The following ZNF257 variants were observed in gnomAD, a reference collection of about 807,000 sequenced individuals.
The protein encoded by ZNF257 is zinc finger protein 257.
In ZNF257, 12 loss-of-function variants were observed where a neutral mutation model predicts 11.9. The observed-to-expected ratio is 1.01, with a 90% CI of 0.65 to 1.63. ZNF257 has a LOEUF of 1.63. Among genes scored for constraint, ZNF257 ranks in the 40% most tolerant of loss-of-function variants. The pLI, the probability that ZNF257 is intolerant of heterozygous loss-of-function variation, is 0.00. For missense variants in ZNF257, 580 were observed against 665.5 expected, an observed-to-expected ratio of 0.87 and a Z score of 1.41; for synonymous variants, 183 against 222.7, an observed-to-expected ratio of 0.82 and a Z score of 1.59.
chr19:22,080,780 T>A (rs2022338761), intron 3 of ZNF257, among the ~76,000 whole-genome samples: 1 of 151,802 alleles, frequency 6.6e-6, no homozygotes, highest in African/African-American at 2.4e-5. Flanking sequence ...TTGTTGATAT[T>A]TGCTTTATAT....
chr19:22,083,573 GT>G (rs1388999451), intron 3 of ZNF257, among the ~76,000 whole-genome samples: 2 of 152,018 alleles, frequency 1.3e-5, no homozygotes, highest in African/African-American at 2.4e-5. Context: ...AAATATTCTG[GT>G]TTATTTTTTA....
intron 3 of ZNF257, among the ~76,000 whole-genome samples, chr19:22,083,102 T>A (rs1221736953): frequency 3.3e-5 from 5 of 152,188 alleles, no homozygotes; most frequent in Non-Finnish European, 7.3e-5. Context: ...TATTTGTGAA[T>A]CTTCCATATC....
chr19:22,074,062 T>C (rs929149726), intron 3 of ZNF257, among the ~76,000 whole-genome samples: 8 of 152,156 alleles, frequency 5.3e-5, no homozygotes, highest in Non-Finnish European at 8.8e-5. Flanking sequence ...TATGATGTCA[T>C]TCTGCTTTTT....
At chr19:22,057,382 A>G (rs1239894550) in intron 1 of ZNF257, among the ~76,000 whole-genome samples, 1 of 152,166 alleles carries the variant, frequency 6.6e-6, no homozygotes, top group East Asian at 1.9e-4. Flanking sequence ...AGGCCCAGCT[A>G]ATTCTTTCTG....
At chr19:22,057,084 C>T (rs1432997251) in intron 1 of ZNF257, among the ~76,000 whole-genome samples, 1 of 152,058 alleles carries the variant, frequency 6.6e-6, no homozygotes, top group Non-Finnish European at 1.5e-5. Context: ...CTTGTTACCT[C>T]CTAGAAGTGT....
intron 1 of ZNF257, among the ~76,000 whole-genome samples, chr19:22,067,237 T>C (rs992034585): frequency 6.6e-6 from 1 of 152,160 alleles, no homozygotes; most frequent in Non-Finnish European, 1.5e-5. Context: ...ACATTTTACC[T>C]CTTTCGTTGA....
rs1001562854 is a variant in ZNF257 at position 22,091,198 on chromosome 19, C to G, written c.*1756C>G. 2 of 152,032 alleles carry G rather than the reference C, an allele frequency of 1.3e-5. No homozygotes were observed. Among genetic ancestry groups the G allele is most frequent in the African/African-American group, 4.8e-5 (2 of 41,350 alleles). 9.4% of individuals were successfully genotyped at this position (152,032 alleles called of 1,614,324 possible). A position where few individuals can be genotyped will look rare whatever the true frequency, so the allele number is the denominator to read the frequency against. On this transcript the variant is annotated 3_prime_UTR_variant, in exon 4 of 4. Coordinates refer to ENST00000594947, the MANE Select transcript of ZNF257 (RefSeq NM_033468.4). ...TTCAGGCCGGGCACAGTAGCTCACG[C>G]CTGTAATCCCAACACTTTGGGAGGC...
rs751593940 is a variant in ZNF257, at chr19:22,072,880, G to A, written c.75G>A (p.Gln25=). Residue 25 remains glutamine (Q), a synonymous_variant, in exon 2 of 4, where the codon CAG becomes CAA. Coordinates refer to ENST00000594947, the MANE Select transcript of ZNF257 (RefSeq NM_033468.4). The stretch of plus-strand genomic sequence containing the variant: ...AGTGGCATTGCCTGGACACTGCACA[G>A]CAGAATTTATATAGGGATGTGATGT... ...LEEWHCLDTA[Q]QNLYRDVMLE... 6.2e-7 allele frequency: 1 copy of A among 1,613,390 alleles called. No homozygotes were observed. The highest frequency in any genetic ancestry group is 1.7e-5 in the Admixed American group (1 of 59,946).
chr19:22,063,515 A>C (rs58935590), intron 1 of ZNF257, among the ~76,000 whole-genome samples: 2,729 of 152,150 alleles, frequency 0.018, 76 homozygotes, highest in African/African-American at 0.062. Flanking sequence ...CCTTCTTACC[A>C]CTGCCTTAGC....
At chr19:22,074,991 T>G (rs558919392) in intron 3 of ZNF257, among the ~76,000 whole-genome samples, 2 of 152,332 alleles carry the variant, frequency 1.3e-5, no homozygotes, top group South Asian at 4.1e-4. Flanking sequence ...TCTGTGAATT[T>G]GAAGGAGCAA....
chr19:22,082,798 A>G (rs960593300), intron 3 of ZNF257, among the ~76,000 whole-genome samples: 2 of 152,160 alleles, frequency 1.3e-5, no homozygotes, highest in Admixed American at 6.6e-5. Flanking sequence ...TATATATTTT[A>G]GAACATGACA....
In ZNF257 at chr19:22,079,209, C is replaced by T. The variant is rs898599046; in HGVS notation, c.226+5645C>T. Among the ~76,000 whole-genome samples the T allele has an allele frequency of 3.9e-5, 6 of 152,094 alleles. 1 individual carries two copies. The highest frequency in any genetic ancestry group is 6.5e-5 in the Admixed American group (1 of 15,278). ...TTAAAGGGGGGTTCATTTCTTCACTCGTATTCTGTTCTTTCATCTGTTTAT... is the reference window on the plus strand; with the variant it reads ...TTAAAGGGGGGTTCATTTCTTCACTTGTATTCTGTTCTTTCATCTGTTTAT... On this transcript the variant is annotated intron_variant, in intron 3 of 3. Coordinates refer to ENST00000594947, the MANE Select transcript of ZNF257 (RefSeq NM_033468.4).
chr19:22,083,306 C>T (rs1291893627), intron 3 of ZNF257, among the ~76,000 whole-genome samples: 1 of 151,972 alleles, frequency 6.6e-6, no homozygotes, highest in Non-Finnish European at 1.5e-5. Context: ...CCCGTCTCTA[C>T]TGAAAATACA....
At chr19:22,084,797 T>C (rs549821070) in intron 3 of ZNF257, among the ~76,000 whole-genome samples, 293 of 151,332 alleles carry the variant, frequency 1.9e-3, no homozygotes, top group Non-Finnish European at 2.4e-3. Flanking sequence ...AGTGGAGTGA[T>C]CTCGGCTAAC....
intron 1 of ZNF257, among the ~76,000 whole-genome samples, chr19:22,054,125 T>G (rs1415342595): frequency 5.3e-5 from 8 of 149,898 alleles, no homozygotes; most frequent in African/African-American, 2.5e-5. Flanking sequence ...CAGGCTGGAG[T>G]GCAGGGGCGA....
intron 1 of ZNF257, among the ~76,000 whole-genome samples, chr19:22,055,578 C>A (rs1190607426): frequency 2.0e-5 from 3 of 151,986 alleles, no homozygotes; most frequent in Non-Finnish European, 2.9e-5. Flanking sequence ...TAAGAGCTTA[C>A]AAAATAAAAT....
At position 22,088,434 on chromosome 19, in the gene ZNF257, C is replaced by G. The variant is rs2022532002; in HGVS notation, c.684C>G (p.Pro228=). Residue 228 remains proline (P), a synonymous_variant, in exon 4 of 4, where the codon CCC becomes CCG. Coordinates refer to ENST00000594947, the MANE Select transcript of ZNF257 (RefSeq NM_033468.4). The part of the protein sequence containing the change: ...RHKMTHTGEK[P]YKCEECGKAF... The stretch of plus-strand genomic sequence containing the variant: ...AGATGACTCATACTGGAGAGAAACC[C>G]TACAAATGTGAAGAGTGTGGAAAAG... 1.9e-6 allele frequency: 3 copies of G among 1,613,498 alleles called. No homozygotes were observed. In the Admixed American group the frequency reaches 5.0e-5, roughly 27 times the overall value.
intron 1 of ZNF257, among the ~76,000 whole-genome samples, chr19:22,069,812 G>A (rs955119088): frequency 2.6e-5 from 4 of 152,058 alleles, no homozygotes; most frequent in African/African-American, 9.7e-5. Context: ...TTAGGAAATT[G>A]ACAGGGCAGT....
chr19:22,052,500 T>C lies in ZNF257; in HGVS notation c.-133T>C. 9.3e-7 allele frequency: 1 copy of C among 1,072,582 alleles called. No individual in the cohort carries two copies. Among genetic ancestry groups the C allele is most frequent in the South Asian group, 1.3e-5 (1 of 78,368 alleles). 66.4% of individuals were successfully genotyped at this position (1,072,582 alleles called of 1,614,324 possible). A position where few individuals can be genotyped will look rare whatever the true frequency, so the allele number is the denominator to read the frequency against. On this transcript the variant is annotated 5_prime_UTR_variant, in exon 1 of 4. Coordinates refer to ENST00000594947, the MANE Select transcript of ZNF257 (RefSeq NM_033468.4). ...TTGGCGGGTACTTTGTCTCTCGCTC[T>C]AGCCCGAGCTGCAGGTCTCGTCTTC...
Sources: allele counts gnomAD v4.1 joint callset (sites outside exome capture counted in the v4.1 genomes callset), GRCh38; gene constraint gnomAD v4.1.1; transcripts MANE v1.5; gene names NCBI Gene and HGNC (gene_info 2026-07-23, HGNC 2026-07-21).